LGSN: variants seen among roughly 807,000 people sequenced by gnomAD.
LGSN encodes lengsin, lens protein with glutamine synthetase domain.
LGSN carries 21 observed loss-of-function variants against 19.5 expected under a neutral mutation model. The ratio of observed to expected loss-of-function variants is 1.07; its 90% CI spans 0.76 to 1.55. LGSN has a LOEUF of 1.55. Among genes scored for constraint, LGSN ranks in the 40% most tolerant of loss-of-function variants. The pLI, the probability that LGSN is intolerant of heterozygous loss-of-function variation, is 0.00. For missense variants in LGSN, 673 were observed against 608.5 expected (o/e 1.11, Z -1.12); for synonymous variants, 257 against 215.6 (o/e 1.19, Z -1.68).
chr6:63,371,855 A>G, the LGSN span, among the ~76,000 whole-genome samples: 1 of 152,228 alleles, frequency 6.6e-6, no homozygotes, highest in Non-Finnish European at 1.5e-5. Context: ...TTGGTAAAGA[A>G]CTGCTTATTC....
chr6:63,456,392 T>TA, the LGSN span, among the ~76,000 whole-genome samples: 1 of 117,556 alleles, frequency 8.5e-6, no homozygotes, highest in South Asian at 2.7e-4. Flanking sequence ...TATATATATA[T>TA]ACTTTTTTTT....
the LGSN span, among the ~76,000 whole-genome samples, chr6:63,512,930 C>T: frequency 6.6e-6 from 1 of 152,144 alleles, no homozygotes. Context: ...CGTACTAAAG[C>T]AGAGAACAAG....
Position 63,280,961 on chromosome 6 carries a change from G to A in LGSN, c.590C>T (p.Ala197Val), listed in dbSNP as rs768931097. 31 of 1,614,116 alleles carry A rather than the reference G, an allele frequency of 1.9e-5. No homozygotes were observed. The highest frequency in any genetic ancestry group is 2.2e-5 in the East Asian group (1 of 44,884). The change falls in exon 4 of 4, where the codon GCC (alanine) becomes GTC (valine). Residue 197 changes from alanine to valine, a missense_variant. By Grantham distance (64) the Ala-to-Val change is moderately conservative. Transcript: ENST00000370657. ...IAKRQLSHLQ[A>V]SGFSLLSAFI... ...AGCAGAAAGCAGGGAAAAGCCAGAG[G>A]CCTGCAGATGGCTCAGCTGCCTCTT...
chr6:63,462,631 T>G, the LGSN span, among the ~76,000 whole-genome samples: 1 of 152,322 alleles, frequency 6.6e-6, no homozygotes, highest in Non-Finnish European at 1.5e-5. Flanking sequence ...ATTTTGGTTT[T>G]TGTTCTCTAA....
the LGSN span, chr6:63,396,594 A>G: frequency 6.5e-6 from 1 of 153,320 alleles, no homozygotes; most frequent in African/African-American, 2.4e-5. Context: ...TGCTTTCAAT[A>G]TTGGTGCTCC....
the LGSN span, chr6:63,548,669 T>G: frequency 2.2e-6 from 1 of 451,060 alleles, no homozygotes; most frequent in Non-Finnish European, 4.0e-6. Flanking sequence ...TTGTTCTATT[T>G]TAATTATTTT....
chr6:63,440,903 G>C, the LGSN span: 1 of 161,102 alleles, frequency 6.2e-6, no homozygotes, highest in African/African-American at 2.4e-5. Context: ...CACTGGATCT[G>C]TCTTGTAATA....
the LGSN span, among the ~76,000 whole-genome samples, chr6:63,432,145 GA>G: frequency 3.7e-5 from 4 of 108,182 alleles, no homozygotes; most frequent in African/African-American, 1.5e-4. Context: ...AAGAAAGAAA[GA>G]AAGAAAGAAA....
At chr6:63,412,673 G>GA in the LGSN span, among the ~76,000 whole-genome samples, 37 of 124,430 alleles carry the variant, frequency 3.0e-4, no homozygotes, top group African/African-American at 9.9e-4. Flanking sequence ...AGGAAGGAAA[G>GA]GAAGAAAGAA....
chr6:63,549,873 G>A, the LGSN span, among the ~76,000 whole-genome samples: 38 of 152,184 alleles, frequency 2.5e-4, no homozygotes, highest in Non-Finnish European at 4.4e-4. Context: ...AACTACATAG[G>A]AATAAATTAT....
At chr6:63,352,088 A>G in the LGSN span, among the ~76,000 whole-genome samples, 4 of 152,230 alleles carry the variant, frequency 2.6e-5, no homozygotes, top group African/African-American at 9.6e-5. Flanking sequence ...TGGAAAATAA[A>G]TGCAATTAGA....
the LGSN span, among the ~76,000 whole-genome samples, chr6:63,424,771 G>C: frequency 6.6e-6 from 1 of 152,010 alleles, no homozygotes; most frequent in Non-Finnish European, 1.5e-5. Context: ...AATTAGTCAG[G>C]CATGGTGCTG....
intron 2 of LGSN, among the ~76,000 whole-genome samples, chr6:63,290,436 T>C (rs1303410609): frequency 6.6e-6 from 1 of 152,128 alleles, no homozygotes. Context: ...TGTGGAGGAG[T>C]CAATGTGGCC....
At chr6:63,315,556 T>A (rs1475519804) in intron 1 of LGSN, among the ~76,000 whole-genome samples, 1 of 151,558 alleles carries the variant, frequency 6.6e-6, no homozygotes, top group Non-Finnish European at 1.5e-5. Flanking sequence ...CTTAAGATAC[T>A]GAGAAAACAT....
chr6:63,362,867 G>A, the LGSN span, among the ~76,000 whole-genome samples: 1 of 152,178 alleles, frequency 6.6e-6, no homozygotes, highest in East Asian at 1.9e-4. Context: ...CCAGCACAGA[G>A]TTTGAGATCT....
chr6:63,477,720 G>GA, the LGSN span, among the ~76,000 whole-genome samples: 1 of 52,796 alleles, frequency 1.9e-5, no homozygotes, highest in African/African-American at 7.2e-5. Context: ...TTTTTGTAGA[G>GA]ATGGGGTCTC....
the LGSN span, among the ~76,000 whole-genome samples, chr6:63,454,616 C>T: frequency 2.6e-5 from 4 of 151,132 alleles, no homozygotes; most frequent in East Asian, 2.0e-4. Context: ...AGATTACAGG[C>T]GCCCGCCACC....
rs1313675946 is a variant in LGSN, at chr6:63,278,990, T to C, written c.*1031A>G. On this transcript the variant is annotated 3_prime_UTR_variant, in exon 4 of 4. Transcript: ENST00000370657. Reference sequence around the variant, plus strand: ...TTTGCTAGTAAGTGGATTTTGGACTTCTTCCCAAAAGCAGCTAAACTTTTG... The same window carrying C: ...TTTGCTAGTAAGTGGATTTTGGACTCCTTCCCAAAAGCAGCTAAACTTTTG... 1 of 152,246 alleles carries C rather than the reference T, an allele frequency of 6.6e-6. No individual in the cohort carries two copies. The highest frequency in any genetic ancestry group is 6.5e-5 in the Admixed American group (1 of 15,286). The allele number at this position is 152,246 out of a possible 1,614,324, so 9.4% of individuals were successfully genotyped here.
the LGSN span, among the ~76,000 whole-genome samples, chr6:63,324,984 G>T: frequency 2.0e-5 from 3 of 151,300 alleles, no homozygotes; most frequent in South Asian, 2.1e-4. Context: ...AGCGCCTATA[G>T]TTCCAGCTAC....
Sources: allele counts gnomAD v4.1 joint callset (sites outside exome capture counted in the v4.1 genomes callset), GRCh38; gene constraint gnomAD v4.1.1; transcripts MANE v1.5; gene names NCBI Gene and HGNC (gene_info 2026-07-23, HGNC 2026-07-21).